The following PDE10A variants were observed in gnomAD, a reference collection of about 807,000 sequenced individuals.
PDE10A encodes cAMP and cAMP-inhibited cGMP 3',5'-cyclic phosphodiesterase 10A.
PDE10A carries 39 observed loss-of-function variants against 97.7 expected under a neutral mutation model. That is an observed-to-expected ratio of 0.40 (90% confidence interval 0.31 to 0.52). PDE10A has a LOEUF of 0.52. PDE10A is among the 20% of genes least tolerant of loss of function. PDE10A has a pLI of 0.56. For missense variants in PDE10A, 731 were observed against 1,047.8 expected (o/e 0.70, Z 4.17); for synonymous variants, 371 against 376.8 (o/e 0.98, Z 0.18).
chr6:165,590,572 A>C (rs1037792727), intron 1 of PDE10A, among the ~76,000 whole-genome samples: 9 of 152,214 alleles, frequency 5.9e-5, no homozygotes, highest in African/African-American at 2.2e-4. Context: ...CCAAATTTAC[A>C]ATCTGTTTTG....
At chr6:165,552,560 G>T (rs1462276148) in intron 1 of PDE10A, among the ~76,000 whole-genome samples, 1 of 152,196 alleles carries the variant, frequency 6.6e-6, no homozygotes, top group East Asian at 1.9e-4. Flanking sequence ...ACTGGGAATT[G>T]AGTCTCTAAC....
chr6:165,554,722 T>C (rs1280796326), intron 1 of PDE10A, among the ~76,000 whole-genome samples: 3 of 152,170 alleles, frequency 2.0e-5, no homozygotes, highest in Non-Finnish European at 4.4e-5. Context: ...CCTCTGTTTG[T>C]TGCAGCATTG....
In PDE10A at chr6:165,662,398, G is replaced by A. The variant is rs1330840943; in HGVS notation, c.414C>T (p.Leu138=). The A allele has an allele frequency of 1.3e-5, 2 of 154,456 alleles. No individual in the cohort carries two copies. The highest frequency in any genetic ancestry group is 3.8e-4 in the East Asian group (2 of 5,216). 9.6% of individuals were successfully genotyped at this position (154,456 alleles called of 1,614,324 possible). The part of the protein sequence containing the change: ...SFLPSSSAFH[L]PVRLPGREGA... ...CCTCCCTTCCTGGGAGACGCACGGGGAGGTGAAAGGCAGATGAGGAGGGGA... is the reference window on the plus strand; with the variant it reads ...CCTCCCTTCCTGGGAGACGCACGGGAAGGTGAAAGGCAGATGAGGAGGGGA... The change falls in exon 1 of 22, where the codon CTC becomes CTT. Residue 138 remains leucine, a synonymous_variant. Coordinates refer to ENST00000539869, the MANE Select transcript of PDE10A (RefSeq NM_001385079.1).
chr6:165,557,010 G>A (rs922419428), intron 1 of PDE10A, among the ~76,000 whole-genome samples: 1 of 151,998 alleles, frequency 6.6e-6, no homozygotes, highest in Non-Finnish European at 1.5e-5. Flanking sequence ...GTGGTGGCAT[G>A]CGCCTGTCAT....
In PDE10A at chr6:165,332,448, A is replaced by T. The variant is rs1781391543; in HGVS notation, c.*577T>A. 1 of 152,226 alleles carries T rather than the reference A, an allele frequency of 6.6e-6. No individual in the cohort carries two copies. The highest frequency in any genetic ancestry group is 1.5e-5 in the Non-Finnish European group (1 of 68,056). 9.4% of individuals were successfully genotyped at this position (152,226 alleles called of 1,614,324 possible). On this transcript the variant is annotated 3_prime_UTR_variant, in exon 22 of 22. Transcript: ENST00000539869. Reference sequence around the variant, plus strand: ...TAAATTCATGAAGCTCTGAAATAAGAGTTTGACGTTTTGCCATCATTTCTT... The same window carrying T: ...TAAATTCATGAAGCTCTGAAATAAGTGTTTGACGTTTTGCCATCATTTCTT...
intron 13 of PDE10A, among the ~76,000 whole-genome samples, chr6:165,406,601 C>T (rs1415844324): frequency 1.3e-5 from 2 of 152,024 alleles, no homozygotes; most frequent in Non-Finnish European, 2.9e-5. Context: ...AAATTAACCT[C>T]ACCGTCTTTG....
At chr6:165,430,254 T>C in intron 9 of PDE10A, 33 bp downstream of exon 9, 3 of 1,491,882 alleles carry the variant, frequency 2.0e-6, no homozygotes, top group Non-Finnish European at 2.8e-6. Flanking sequence ...CATTGATTAA[T>C]AAGAGCTACT....
At chr6:165,345,050 C>T (rs916461462) in intron 18 of PDE10A, among the ~76,000 whole-genome samples, 15 of 151,952 alleles carry the variant, frequency 9.9e-5, no homozygotes, top group Non-Finnish European at 2.1e-4. Context: ...CAGGTAAATT[C>T]ATTTAAACAC....
At chr6:165,557,602 G>T (rs910771655) in intron 1 of PDE10A, among the ~76,000 whole-genome samples, 2 of 150,902 alleles carry the variant, frequency 1.3e-5, no homozygotes, top group African/African-American at 4.9e-5. Context: ...GAATATATAG[G>T]TTTTCTACAT....
At chr6:165,633,859 A>G (rs998866370) in intron 1 of PDE10A, among the ~76,000 whole-genome samples, 4 of 151,788 alleles carry the variant, frequency 2.6e-5, no homozygotes, top group African/African-American at 9.7e-5. Flanking sequence ...TGGTCTTGAG[A>G]ATAATTTTAT....
At chr6:165,676,553 G>A (rs1432799835) in intron 1 of PDE10A, among the ~76,000 whole-genome samples, 1 of 151,926 alleles carries the variant, frequency 6.6e-6, no homozygotes, top group African/African-American at 2.4e-5. Context: ...CTGGAAGGTG[G>A]TGAGGGAAGG....
chr6:165,873,866 T>TA (rs1324030119), intron 1 of PDE10A, among the ~76,000 whole-genome samples: 15 of 152,352 alleles, frequency 9.8e-5, no homozygotes, highest in African/African-American at 2.6e-4. Context: ...TGGGTTTTTT[T>TA]AAAAAATTAA....
intron 1 of PDE10A, among the ~76,000 whole-genome samples, chr6:165,979,946 T>C (rs1041512349): frequency 6.6e-6 from 1 of 152,210 alleles, no homozygotes; most frequent in Non-Finnish European, 1.5e-5. Context: ...CTGTCACTAC[T>C]TAAATTCCTC....
chr6:165,367,483 A>G (rs1370393301), intron 18 of PDE10A, among the ~76,000 whole-genome samples: 1 of 152,136 alleles, frequency 6.6e-6, no homozygotes, highest in African/African-American at 2.4e-5. Flanking sequence ...AATGGGGCAG[A>G]AAAAACATCT....
chr6:165,392,922 C>T (rs1041132263), intron 15 of PDE10A, 126 bp from the exon 16 acceptor site: 8 of 774,750 alleles, frequency 1.0e-5, no homozygotes, highest in Non-Finnish European at 1.7e-5. Context: ...GATTTCCACC[C>T]TGACTGAATC....
At chr6:165,413,839 G>T in intron 12 of PDE10A, 152 bp from the exon 13 acceptor site, 2 of 603,250 alleles carry the variant, frequency 3.3e-6, no homozygotes, top group Non-Finnish European at 5.9e-6. Context: ...TACATTCAGG[G>T]ACAGTAACAT....
At chr6:165,376,308 C>T (rs922416423) in intron 18 of PDE10A, among the ~76,000 whole-genome samples, 5 of 152,204 alleles carry the variant, frequency 3.3e-5, no homozygotes, top group East Asian at 1.9e-4. Context: ...AAAATGATGA[C>T]TGATGCAATC....
In PDE10A at chr6:165,543,471, T is replaced by C. The variant is rs6924943; in HGVS notation, c.963A>G (p.Lys321=). The C allele has an allele frequency of 2.1e-3, 3,439 of 1,613,148 alleles. 70 individuals carry two copies. In the African/African-American group the frequency reaches 0.039, roughly 18 times the overall value. The change falls in exon 2 of 22, where the codon AAA becomes AAG. Residue 321 remains lysine, a synonymous_variant. Transcript: ENST00000539869. ...ATTTGTTGTTCTTCCTCTTCAGCCA[T>C]TTCTCTACTGTCTCTGCACTAACAC... ...SESVSAETVE[K]WLKRKNNKSE... is the part of the protein sequence containing the mutation.
At chr6:165,740,396 T>A (rs151319961) in intron 1 of PDE10A, among the ~76,000 whole-genome samples, 1 of 151,882 alleles carries the variant, frequency 6.6e-6, no homozygotes, top group East Asian at 1.9e-4. Flanking sequence ...AGTGGTGTGA[T>A]CTCAGCTCAC....
Sources: allele counts gnomAD v4.1 joint callset (sites outside exome capture counted in the v4.1 genomes callset), GRCh38; gene constraint gnomAD v4.1.1; transcripts MANE v1.5; gene names NCBI Gene and HGNC (gene_info 2026-07-23, HGNC 2026-07-21).